ACSS3: variants seen among roughly 807,000 people sequenced by gnomAD.
ACSS3 encodes the protein acyl-CoA synthetase short chain family member 3.
A neutral mutation model predicts 84.2 loss-of-function variants in ACSS3; 64 were observed. The ratio of observed to expected loss-of-function variants is 0.76; its 90% confidence interval spans 0.62 to 0.94. ACSS3 has a LOEUF of 0.94. Ranked by LOEUF, ACSS3 falls within the 40% of genes least tolerant of loss-of-function variation. The pLI is 0.00. For missense variants in ACSS3, 815 were observed against 867.6 expected (o/e 0.94, Z 0.76); for synonymous variants, 317 against 310.1 (o/e 1.02, Z -0.23).
intron 9 of ACSS3, among the ~76,000 whole-genome samples, chr12:81,204,329 C>T (rs1306734683): frequency 6.7e-6 from 1 of 149,648 alleles, no homozygotes; most frequent in Non-Finnish European, 1.5e-5. Context: ...TTCTTCCTTC[C>T]TCCTCTTCTT....
intron 9 of ACSS3, among the ~76,000 whole-genome samples, chr12:81,203,690 G>T (rs1395609501): frequency 6.6e-6 from 1 of 152,104 alleles, no homozygotes; most frequent in Non-Finnish European, 1.5e-5. Context: ...TTGCTTTGGA[G>T]TATAATAATG....
chr12:81,083,536 T>C (rs1881122720), intron 1 of ACSS3, among the ~76,000 whole-genome samples: 1 of 151,936 alleles, frequency 6.6e-6, no homozygotes, highest in African/African-American at 2.4e-5. Context: ...TTTTGTACTT[T>C]TTTTTAGTAG....
intron 2 of ACSS3, among the ~76,000 whole-genome samples, chr12:81,129,607 CT>C (rs1885351288): frequency 6.6e-6 from 1 of 152,052 alleles, no homozygotes; most frequent in Admixed American, 6.6e-5. Context: ...ATTTTGAGAT[CT>C]TTGTTTCACA....
At chr12:81,232,818 A>G (rs111555064) in intron 12 of ACSS3, among the ~76,000 whole-genome samples, 139 of 151,828 alleles carry the variant, frequency 9.2e-4, no homozygotes, top group African/African-American at 3.2e-3. Context: ...TTCTTATTCT[A>G]CTGTCATTTC....
At position 81,245,216 on chromosome 12, in the gene ACSS3, C is replaced by T. The variant is rs1400699594; in HGVS notation, c.1720-8091C>T. Among the ~76,000 whole-genome samples, 4 of 152,270 alleles carry T rather than the reference C, an allele frequency of 2.6e-5. No individual in the cohort carries two copies. In the East Asian group the frequency reaches 7.8e-4, roughly 30 times the overall value. ...GTGGCTCACGCCTGTAATCCCAGCA[C>T]TATGGGAGGCCGAGATGGGTGGATC... On this transcript the variant is annotated intron_variant, in intron 13 of 15. Transcript: ENST00000548058.
intron 7 of ACSS3, among the ~76,000 whole-genome samples, chr12:81,154,302 C>T (rs1026530769): frequency 2.0e-5 from 3 of 152,038 alleles, no homozygotes; most frequent in African/African-American, 7.2e-5. Flanking sequence ...GCGCTATTTA[C>T]CATGGGCTTT....
At chr12:81,083,301 C>G (rs537299832) in intron 1 of ACSS3, among the ~76,000 whole-genome samples, 17 of 151,208 alleles carry the variant, frequency 1.1e-4, no homozygotes, top group African/African-American at 4.1e-4. Flanking sequence ...AATTTGTTGG[C>G]ATTTAAATAT....
At chr12:81,077,904 C>T (rs1274709638), upstream of ACSS3, 8 of 509,662 alleles carry the variant, frequency 1.6e-5, no homozygotes, top group Non-Finnish European at 2.7e-5. Context: ...TGCAACGGCG[C>T]TGTGACACCC....
chr12:81,244,418 T>TG (rs1265843907), intron 13 of ACSS3, among the ~76,000 whole-genome samples: 4 of 152,230 alleles, frequency 2.6e-5, no homozygotes, highest in Middle Eastern at 3.4e-3. Context: ...AGCATTAATT[T>TG]GGGGGAAACT....
At position 81,205,316 on chromosome 12, in the gene ACSS3, G is replaced by A. The variant is rs144208892; in HGVS notation, c.1354+5872G>A. 4.2e-3 allele frequency among the ~76,000 whole-genome samples: 633 copies of A among 152,116 alleles called. 4 individuals are homozygous for A. Among genetic ancestry groups the A allele is most frequent in the African/African-American group, 0.014 (576 of 41,508 alleles). On this transcript the variant is annotated intron_variant, in intron 9 of 15. Coordinates refer to ENST00000548058, the MANE Select transcript of ACSS3 (RefSeq NM_024560.4). ...TGATTTCTTATTTTTGCATAGCTTG[G>A]CAAGTTAGAATTCCTGACAGTAGAC...
intron 1 of ACSS3, among the ~76,000 whole-genome samples, chr12:81,091,478 C>A (rs1881664764): frequency 1.3e-5 from 2 of 151,914 alleles, no homozygotes; most frequent in African/African-American, 4.8e-5. Context: ...CTCAAGATCT[C>A]CTACATATGT....
chr12:81,247,294 A>G (rs1303837340), intron 13 of ACSS3, among the ~76,000 whole-genome samples: 1 of 152,116 alleles, frequency 6.6e-6, no homozygotes, highest in South Asian at 2.1e-4. Context: ...AAAATTTTGT[A>G]TGCATAGTTA....
chr12:81,127,218 T>C (rs1455190985), intron 2 of ACSS3, among the ~76,000 whole-genome samples: 1 of 151,972 alleles, frequency 6.6e-6, no homozygotes, highest in African/African-American at 2.4e-5. Context: ...TAATAAATTG[T>C]AACTGTCTAA....
At chr12:81,109,421 C>A in intron 1 of ACSS3, 139 bp from the exon 2 acceptor site, 1 of 839,248 alleles carries the variant, frequency 1.2e-6, no homozygotes, top group Non-Finnish European at 1.8e-6. Context: ...TAGTTTACAG[C>A]TGTCATTACT....
At chr12:81,139,297 A>G in intron 4 of ACSS3, 32 bp downstream of exon 4, 1 of 1,607,930 alleles carries the variant, frequency 6.2e-7, no homozygotes, top group Non-Finnish European at 8.5e-7. Context: ...GTTCTTGCTT[A>G]TGGTAATATG....
chr12:81,232,797 TA>T (rs1392330788), intron 12 of ACSS3, among the ~76,000 whole-genome samples: 6 of 151,740 alleles, frequency 4.0e-5, no homozygotes, highest in Non-Finnish European at 5.9e-5. Flanking sequence ...TTCTACTTTT[TA>T]TTCTTATTAT....
chr12:81,192,836 GTC>G (rs1297564017), intron 8 of ACSS3, among the ~76,000 whole-genome samples: 1 of 152,138 alleles, frequency 6.6e-6, no homozygotes, highest in African/African-American at 2.4e-5. Context: ...TCAGTCTTAT[GTC>G]TCTCTACATT....
chr12:81,233,315 A>C, intron 12 of ACSS3, 34 bp from the exon 13 acceptor site: 1 of 1,602,558 alleles, frequency 6.2e-7, no homozygotes, highest in Non-Finnish European at 8.5e-7. Flanking sequence ...TTAACAGTAC[A>C]TGCTAATCAA....
rs563621506 is a variant in ACSS3 at position 81,179,736 on chromosome 12, A to G, written c.1250+4797A>G. Among the ~76,000 whole-genome samples the G allele has an allele frequency of 1.4e-4, 19 of 140,044 alleles. No homozygotes were observed. In the South Asian group the frequency reaches 4.0e-3, roughly 30 times the overall value. 91.9% of individuals were successfully genotyped at this position (140,044 alleles called of 152,430 possible). A position where few individuals can be genotyped will look rare whatever the true frequency, so the allele number is the denominator to read the frequency against. On this transcript the variant is annotated intron_variant, in intron 8 of 15. Transcript: ENST00000548058. ...CAGTGAGCTGAGATCGCGCCACTGC[A>G]CTCCAGCACTCCAGCCTGGGTGACA...
Sources: gnomAD v4.1 joint callset for allele counts (sites outside exome capture counted in the v4.1 genomes callset) on GRCh38, gnomAD v4.1.1 for gene constraint, MANE v1.5 for transcripts, NCBI Gene and HGNC (gene_info 2026-07-23, HGNC 2026-07-21) for gene names.